ABI3BP: variants seen among roughly 807,000 people sequenced by gnomAD.
ABI3BP encodes ABI family member 3 binding protein.
ABI3BP carries 216 observed loss-of-function variants against 268.6 expected under a neutral mutation model. The observed-to-expected ratio is 0.80, with a 90% CI of 0.72 to 0.90. The LOEUF is 0.90. ABI3BP is among the 40% of genes least tolerant of loss of function. The pLI, the probability that ABI3BP is intolerant of heterozygous loss-of-function variation, is 0.00. For missense variants in ABI3BP, 2,090 were observed against 2,182.4 expected, an observed-to-expected ratio of 0.96 and a Z score of 0.84; for synonymous variants, 730 against 730.0, an observed-to-expected ratio of 1.00 and a Z score of 0.00.
In ABI3BP at chr3:100,838,075, T is replaced by A. The variant is rs571941793; in HGVS notation, c.2083+135A>T. On this transcript the variant is annotated intron_variant, in intron 26 of 67. Transcript: ENST00000471714. ...TTAGCACTTAAAACATCAGTGTGGC[T>A]ACTTGGAGAAGATAATGAACAAAAT... is the stretch of plus-strand genomic sequence containing the variant. 9.2e-6 allele frequency: 9 copies of A among 982,078 alleles called. No individual in the cohort carries two copies. The African/African-American group carries it at 1.1e-4, about 12-fold the overall frequency. 60.8% of individuals were successfully genotyped at this position (982,078 alleles called of 1,614,324 possible).
At chr3:100,851,010 T>A (rs1042428942) in intron 15 of ABI3BP, among the ~76,000 whole-genome samples, 1 of 152,228 alleles carries the variant, frequency 6.6e-6, no homozygotes, top group Non-Finnish European at 1.5e-5. Flanking sequence ...TCCATTTTGT[T>A]TCATAATTGC....
intron 44 of ABI3BP, among the ~76,000 whole-genome samples, chr3:100,814,663 T>G (rs1001759689): frequency 6.6e-6 from 1 of 152,150 alleles, no homozygotes; most frequent in African/African-American, 2.4e-5. Flanking sequence ...AATGTGTCCT[T>G]TCTTTTGGTT....
intron 2 of ABI3BP, among the ~76,000 whole-genome samples, chr3:100,914,729 G>C (rs77577600): frequency 6.6e-6 from 1 of 152,160 alleles, no homozygotes; most frequent in Non-Finnish European, 1.5e-5. Flanking sequence ...AACGTTAAAG[G>C]GGGGAAAGAG....
At chr3:100,837,341 A>G (rs1341734113) in intron 26 of ABI3BP, 170 bp from the exon 27 acceptor site, 2 of 472,398 alleles carry the variant, frequency 4.2e-6, no homozygotes, top group East Asian at 6.8e-5. Flanking sequence ...TTAGCAAATT[A>G]AAATTTTATA....
rs76688042 is a variant in ABI3BP at position 100,966,728 on chromosome 3, C to G, written c.79+26578G>C. ...CTCCCCTGATCCATCACACATGAAACAGATTAATGTGAGAATGTCCTTCTT... is the reference window on the plus strand; with the variant it reads ...CTCCCCTGATCCATCACACATGAAAGAGATTAATGTGAGAATGTCCTTCTT... On this transcript the variant is annotated intron_variant, in intron 1 of 67. Transcript: ENST00000471714. 3.3e-3 allele frequency among the ~76,000 whole-genome samples: 503 copies of G among 152,218 alleles called. 3 individuals carry two copies. The highest frequency in any genetic ancestry group is 0.012 in the African/African-American group (488 of 41,536).
At chr3:100,947,480 T>A (rs1181623128) in intron 1 of ABI3BP, among the ~76,000 whole-genome samples, 1 of 151,882 alleles carries the variant, frequency 6.6e-6, no homozygotes, top group Non-Finnish European at 1.5e-5. Context: ...ATCAGGCAAA[T>A]TTTTTTTTCT....
intron 1 of ABI3BP, among the ~76,000 whole-genome samples, chr3:100,936,037 G>A (rs1389807366): frequency 6.6e-6 from 1 of 152,284 alleles, no homozygotes. Context: ...GGGAGAGAGG[G>A]CATCCTTGTC....
rs909332457 is a variant in ABI3BP, at chr3:100,824,901, T to C, written c.2703A>G (p.Arg901=). Residue 901 remains arginine, a synonymous_variant, in exon 36 of 68, where the codon AGA becomes AGG. Transcript: ENST00000471714. ...TSKRTRPPRP[R]PKTTPSPQAP... ...CCTGAGGGCTCGGTGTAGTTTTAGG[T>C]CTGGGACGTGGAGGGCGGGTTCTTT... is the stretch of plus-strand genomic sequence containing the variant. 5.2e-6 allele frequency: 8 copies of C among 1,536,006 alleles called. No homozygotes were observed. The African/African-American group carries it at 1.1e-4, about 21-fold the overall frequency.
At chr3:100,985,343 G>T (rs1400578457) in intron 1 of ABI3BP, among the ~76,000 whole-genome samples, 1 of 151,426 alleles carries the variant, frequency 6.6e-6, no homozygotes, top group East Asian at 1.9e-4. Context: ...TAGAGACAGG[G>T]TTTCACCATG....
chr3:100,898,655 A>G (rs1239685366), intron 4 of ABI3BP, 107 bp downstream of exon 4: 2 of 1,291,456 alleles, frequency 1.5e-6, no homozygotes, highest in Admixed American at 3.0e-5. Context: ...TCACACCTAG[A>G]ACAGGCTGTA....
chr3:100,774,886 T>A (rs2150080223), intron 60 of ABI3BP, among the ~76,000 whole-genome samples: 1 of 152,274 alleles, frequency 6.6e-6, no homozygotes, highest in South Asian at 2.1e-4. Context: ...AATTACAAAT[T>A]ATAACCAAGT....
chr3:100,839,555 G>A lies in ABI3BP; in HGVS notation c.1945+14C>T. 6.5e-7 allele frequency: 1 copy of A among 1,535,730 alleles called. No homozygotes were observed. The highest frequency in any genetic ancestry group is 8.7e-7 in the Non-Finnish European group (1 of 1,146,614). The stretch of plus-strand genomic sequence containing the variant: ...AACCCGTGAAAGCAGCCGTGGTGGA[G>A]GGAGTAGAATTACCAGTTGTGGGCA... On this transcript the variant is annotated intron_variant, in intron 24 of 67. Coordinates refer to ENST00000471714, the MANE Select transcript of ABI3BP (RefSeq NM_001375547.2).
intron 1 of ABI3BP, among the ~76,000 whole-genome samples, chr3:100,963,492 C>T (rs1289662619): frequency 6.6e-6 from 1 of 152,174 alleles, no homozygotes; most frequent in Non-Finnish European, 1.5e-5. Flanking sequence ...CCATCTCTTA[C>T]TTCAGCTACT....
intron 1 of ABI3BP, among the ~76,000 whole-genome samples, chr3:100,974,555 G>A (rs1283284470): frequency 6.6e-6 from 1 of 152,146 alleles, no homozygotes. Context: ...AAAACTATAG[G>A]GAGAGAAATC....
At chr3:100,830,384 C>T (rs1041267864) in intron 32 of ABI3BP, among the ~76,000 whole-genome samples, 194 bp downstream of exon 32, 5 of 151,454 alleles carry the variant, frequency 3.3e-5, no homozygotes, top group East Asian at 1.9e-4. Flanking sequence ...ATATATAAAC[C>T]GACCCTAAGT....
intron 2 of ABI3BP, among the ~76,000 whole-genome samples, chr3:100,924,551 A>G (rs2061257040): frequency 1.3e-5 from 2 of 152,196 alleles, no homozygotes; most frequent in South Asian, 4.1e-4. Flanking sequence ...AAACAGTGAT[A>G]TATATTCAAG....
intron 1 of ABI3BP, 81 bp from the exon 2 acceptor site, chr3:100,926,562 G>A (rs1324436137): frequency 1.3e-5 from 17 of 1,305,204 alleles, no homozygotes; most frequent in Non-Finnish European, 1.1e-5. Context: ...AGTGTTGGTG[G>A]CTAGAGGCAT....
intron 2 of ABI3BP, among the ~76,000 whole-genome samples, chr3:100,925,877 G>A (rs2061653983): frequency 6.6e-6 from 1 of 151,546 alleles, no homozygotes; most frequent in South Asian, 2.1e-4. Flanking sequence ...TTTTTTCTCT[G>A]AAATACTCTA....
At position 100,885,536 on chromosome 3, in the gene ABI3BP, C is replaced by A; in HGVS notation, c.696G>T (p.Val232=). Residue 232 remains valine (V), a splice_region_variant and synonymous_variant, in exon 6 of 68, where the codon GTG becomes GTT. Transcript: ENST00000471714. ...TTCTTGAAAATAAACTGTTACATAC[C>A]ACTGTGTGGTCTTGGTCATAGGTAC... ...IQSTYDQDHT[V]PAYVPRKLIP... 2 of 1,533,518 alleles carry A rather than the reference C, an allele frequency of 1.3e-6. No homozygotes were observed. Among genetic ancestry groups the A allele is most frequent in the South Asian group, 1.3e-5 (1 of 79,628 alleles). 95.0% of individuals were successfully genotyped at this position (1,533,518 alleles called of 1,614,324 possible). A position where few individuals can be genotyped will look rare whatever the true frequency, so the allele number is the denominator to read the frequency against.
Sources: allele counts gnomAD v4.1 joint callset (sites outside exome capture counted in the v4.1 genomes callset), GRCh38; gene constraint gnomAD v4.1.1; transcripts MANE v1.5; gene names NCBI Gene and HGNC (gene_info 2026-07-23, HGNC 2026-07-21).